The following MYO16 variants were observed in gnomAD, a reference collection of about 807,000 sequenced individuals.
MYO16 encodes unconventional myosin-XVI.
In MYO16, 94 loss-of-function variants were observed where a neutral mutation model predicts 205.3. That is an observed-to-expected ratio of 0.46 (90% CI 0.39 to 0.54). The LOEUF is 0.54. Among genes scored for constraint, MYO16 ranks in the 20% least tolerant of loss-of-function variants. MYO16 has a pLI of 0.00. For synonymous variants in MYO16, 988 were observed against 954.0 expected, an observed-to-expected ratio of 1.04 and a Z score of -0.66; for missense variants, 2,315 against 2,387.5, an observed-to-expected ratio of 0.97 and a Z score of 0.63.
chr13:108,836,658 C>T (rs986452832), intron 9 of MYO16, among the ~76,000 whole-genome samples: 1 of 152,206 alleles, frequency 6.6e-6, no homozygotes, highest in African/African-American at 2.4e-5. Context: ...TGGGAGCCCA[C>T]CTCTTGCATC....
At chr13:108,563,924 T>C in the MYO16 span, among the ~76,000 whole-genome samples, 1 of 152,184 alleles carries the variant, frequency 6.6e-6, no homozygotes, top group Non-Finnish European at 1.5e-5. Context: ...TCCAAACTGC[T>C]CTCCATAGTA....
chr13:108,790,183 G>A (rs578242007), intron 5 of MYO16, among the ~76,000 whole-genome samples: 5 of 152,248 alleles, frequency 3.3e-5, no homozygotes, highest in South Asian at 2.1e-4. Context: ...TCACAATAGC[G>A]GCAAAGAGTA....
intron 4 of MYO16, among the ~76,000 whole-genome samples, chr13:108,729,287 C>G (rs61969553): frequency 0.047 from 7,146 of 152,096 alleles, 246 homozygotes; most frequent in Non-Finnish European, 0.069. Context: ...AGAAAGGAAC[C>G]AAATCGCCTT....
At chr13:109,129,165 A>G (rs1400389953) in intron 31 of MYO16, among the ~76,000 whole-genome samples, 3 of 149,676 alleles carry the variant, frequency 2.0e-5, no homozygotes, top group East Asian at 2.0e-4. Context: ...GCTTTTTATT[A>G]GTGGCATTAA....
chr13:108,926,846 G>A (rs1011510219), intron 16 of MYO16, among the ~76,000 whole-genome samples: 1 of 151,816 alleles, frequency 6.6e-6, no homozygotes, highest in South Asian at 2.1e-4. Flanking sequence ...TTGAATAGAC[G>A]GTGTTAAACA....
intron 15 of MYO16, among the ~76,000 whole-genome samples, chr13:108,908,773 A>G (rs1881113716): frequency 6.6e-6 from 1 of 152,062 alleles, no homozygotes. Flanking sequence ...TAGGAGTTCA[A>G]TACCAGCCTG....
At chr13:108,872,520 A>G (rs185065178) in intron 12 of MYO16, among the ~76,000 whole-genome samples, 4 of 152,022 alleles carry the variant, frequency 2.6e-5, no homozygotes, top group African/African-American at 4.8e-5. Flanking sequence ...ACATTAAGAG[A>G]CATATTTGTT....
At chr13:108,947,982 A>G (rs1883000868) in intron 16 of MYO16, among the ~76,000 whole-genome samples, 1 of 152,218 alleles carries the variant, frequency 6.6e-6, no homozygotes, top group Admixed American at 6.5e-5. Flanking sequence ...TGTGACTCAT[A>G]TATTAATACT....
the MYO16 span, among the ~76,000 whole-genome samples, chr13:108,519,982 A>G: frequency 4.2e-3 from 646 of 152,310 alleles, 1 homozygote; most frequent in African/African-American, 0.014. Context: ...CCCTGAGACT[A>G]TAACCCTGGG....
intron 27 of MYO16, among the ~76,000 whole-genome samples, chr13:109,089,505 G>T (rs530795945): frequency 6.6e-6 from 1 of 152,056 alleles, no homozygotes; most frequent in Non-Finnish European, 1.5e-5. Flanking sequence ...ATGAGCCACC[G>T]CACCTGGCTG....
chr13:108,672,498 T>C (rs947386521), intron 2 of MYO16, among the ~76,000 whole-genome samples: 1 of 152,150 alleles, frequency 6.6e-6, no homozygotes, highest in South Asian at 2.1e-4. Flanking sequence ...TTAAGGTTTA[T>C]AGTATGTCAT....
intron 15 of MYO16, 25 bp from the exon 16 acceptor site, chr13:108,909,978 G>A (rs904330589): frequency 2.5e-6 from 4 of 1,602,616 alleles, no homozygotes; most frequent in Non-Finnish European, 3.4e-6. Flanking sequence ...CCATTTAACA[G>A]AATCACTTTT....
chr13:108,884,174 T>C (rs1221590542), intron 13 of MYO16, among the ~76,000 whole-genome samples: 1 of 152,106 alleles, frequency 6.6e-6, no homozygotes, highest in Non-Finnish European at 1.5e-5. Context: ...GAAATGAAAA[T>C]GGTATAAAGT....
intron 32 of MYO16, among the ~76,000 whole-genome samples, chr13:109,158,456 T>A (rs1459814925): frequency 1.3e-5 from 2 of 152,200 alleles, no homozygotes; most frequent in African/African-American, 4.8e-5. Flanking sequence ...AACTTATTCA[T>A]ACCTCTCCTG....
At chr13:108,583,014 A>G in the MYO16 span, among the ~76,000 whole-genome samples, 2 of 152,208 alleles carry the variant, frequency 1.3e-5, no homozygotes, top group Admixed American at 1.3e-4. Flanking sequence ...AGAGAATGCA[A>G]CAGATAAAGT....
intron 16 of MYO16, among the ~76,000 whole-genome samples, chr13:108,915,326 C>T (rs537809915): frequency 3.9e-5 from 6 of 152,226 alleles, no homozygotes; most frequent in South Asian, 2.1e-4. Flanking sequence ...CACAAGATGG[C>T]GAGCTCTCCA....
chr13:109,041,190 A>C (rs1886873301), intron 23 of MYO16, among the ~76,000 whole-genome samples: 1 of 152,220 alleles, frequency 6.6e-6, no homozygotes, highest in Non-Finnish European at 1.5e-5. Context: ...CAAAATTCTG[A>C]TAAAATAAAT....
At chr13:109,098,789 C>G (rs1344563267) in intron 27 of MYO16, among the ~76,000 whole-genome samples, 1 of 152,092 alleles carries the variant, frequency 6.6e-6, no homozygotes, top group African/African-American at 2.4e-5. Context: ...CTGAGCTGGT[C>G]ATCACTGGTT....
chr13:108,899,566 T>C, intron 15 of MYO16, among the ~76,000 whole-genome samples: 1 of 152,190 alleles, frequency 6.6e-6, no homozygotes, highest in Non-Finnish European at 1.5e-5. Flanking sequence ...GGTCTGCCAT[T>C]TTATGAAGAC....
Sources: gnomAD v4.1 joint callset for allele counts (sites outside exome capture counted in the v4.1 genomes callset) on GRCh38, gnomAD v4.1.1 for gene constraint, MANE v1.5 for transcripts, NCBI Gene and HGNC (gene_info 2026-07-23, HGNC 2026-07-21) for gene names.